KHDRBS2: variants seen among roughly 807,000 people sequenced by gnomAD.
KHDRBS2 encodes the protein KH RNA binding domain containing, signal transduction associated 2, also known as KH domain-containing, RNA-binding, signal transduction-associated protein 2.
In KHDRBS2, 26 loss-of-function variants were observed where a neutral mutation model predicts 44.3. The ratio of observed to expected loss-of-function variants is 0.59; its 90% CI spans 0.43 to 0.81. The LOEUF (loss-of-function observed/expected upper bound fraction) is 0.81. KHDRBS2 is among the 40% of genes least tolerant of loss of function. The probability of loss-of-function intolerance (pLI) is 0.00; values close to 1 mark genes in which losing one functional copy is unlikely to be tolerated. For missense variants in KHDRBS2, 476 were observed against 433.1 expected, an observed-to-expected ratio of 1.10 and a Z score of -0.88; for synonymous variants, 194 against 151.1, an observed-to-expected ratio of 1.28 and a Z score of -2.08.
At chr6:62,061,829 G>T (rs1374318122) in intron 2 of KHDRBS2, among the ~76,000 whole-genome samples, 1 of 147,506 alleles carries the variant, frequency 6.8e-6, no homozygotes, top group South Asian at 2.2e-4. Context: ...CGTAGATTTG[G>T]TCTTTTCACA....
chr6:62,084,481 C>T (rs184817189), intron 2 of KHDRBS2, among the ~76,000 whole-genome samples: 38 of 152,182 alleles, frequency 2.5e-4, no homozygotes, highest in African/African-American at 8.7e-4. Context: ...GCTGTGTGTA[C>T]CCTGGGGAGA....
intron 7 of KHDRBS2, among the ~76,000 whole-genome samples, chr6:61,702,806 T>C (rs1258642354): frequency 6.6e-6 from 1 of 151,940 alleles, no homozygotes. Context: ...TCACTCCACT[T>C]ATTTACGTAT....
At chr6:61,817,029 G>A (rs1789068107) in intron 6 of KHDRBS2, 5 of 455,208 alleles carry the variant, frequency 1.1e-5, no homozygotes, top group Non-Finnish European at 2.2e-5. Context: ...GAGAGGTACA[G>A]AGGTATGAGT....
intron 3 of KHDRBS2, among the ~76,000 whole-genome samples, chr6:62,011,065 A>T (rs1428469981): frequency 6.6e-6 from 1 of 152,166 alleles, no homozygotes; most frequent in African/African-American, 2.4e-5. Context: ...ATTAAATAAT[A>T]GTGAGGCTTA....
At chr6:61,817,306 A>G (rs1350256834) in intron 6 of KHDRBS2, among the ~76,000 whole-genome samples, 2 of 152,086 alleles carry the variant, frequency 1.3e-5, no homozygotes, top group African/African-American at 4.8e-5. Context: ...GGAGCCCAGA[A>G]CTATCCCAAT....
chr6:61,655,205 C>G, the KHDRBS2 span, among the ~76,000 whole-genome samples: 1 of 145,286 alleles, frequency 6.9e-6, no homozygotes, highest in Non-Finnish European at 1.5e-5. Flanking sequence ...GTTCTTAGAA[C>G]GTTTAAATAC....
intron 6 of KHDRBS2, among the ~76,000 whole-genome samples, chr6:61,840,138 TG>T (rs1793376401): frequency 6.6e-6 from 1 of 152,084 alleles, no homozygotes; most frequent in South Asian, 2.1e-4. Flanking sequence ...TCAATTCAAA[TG>T]GGTAGACACT....
Position 61,875,068 on chromosome 6 carries a change from G to C in KHDRBS2, c.810+19567C>G, listed in dbSNP as rs193039421. 4.9e-4 allele frequency among the ~76,000 whole-genome samples: 75 copies of C among 152,162 alleles called. 1 individual carries two copies. Among genetic ancestry groups the C allele is most frequent in the Middle Eastern group, 3.4e-3 (1 of 294 alleles). On this transcript the variant is annotated intron_variant, in intron 6 of 8. Transcript: ENST00000281156. ...TTAAAGGCTGACTGGACTAAGCATT[G>C]CTTTTTAAGGTGTTAGCTAAGGAAT...
chr6:62,083,267 TG>T (rs2127356831), intron 2 of KHDRBS2, among the ~76,000 whole-genome samples: 1 of 152,178 alleles, frequency 6.6e-6, no homozygotes, highest in South Asian at 2.1e-4. Context: ...GGCTTCATGG[TG>T]GGAACTCAGA....
chr6:61,973,710 T>TTA (rs145676968), intron 4 of KHDRBS2, among the ~76,000 whole-genome samples: 6,840 of 152,076 alleles, frequency 0.045, 533 homozygotes, highest in African/African-American at 0.16. Context: ...AGTATATAAG[T>TTA]TATATATATA....
At chr6:62,137,981 C>T (rs1410615776) in intron 2 of KHDRBS2, among the ~76,000 whole-genome samples, 4 of 152,140 alleles carry the variant, frequency 2.6e-5, no homozygotes, top group East Asian at 3.9e-4. Flanking sequence ...TACTGTTCTG[C>T]GTGGTTGTTT....
chr6:62,022,752 C>T (rs1265591219), intron 3 of KHDRBS2, among the ~76,000 whole-genome samples: 2 of 151,664 alleles, frequency 1.3e-5, no homozygotes, highest in African/African-American at 4.8e-5. Context: ...TTTCTGAATT[C>T]TCATTTCATC....
chr6:61,711,104 T>C (rs1770445826), intron 7 of KHDRBS2, among the ~76,000 whole-genome samples: 1 of 151,432 alleles, frequency 6.6e-6, no homozygotes, highest in African/African-American at 2.4e-5. Context: ...AATAAATATT[T>C]GTTGAATAAA....
chr6:61,702,578 TA>T (rs1421390996), intron 7 of KHDRBS2, among the ~76,000 whole-genome samples: 1 of 151,962 alleles, frequency 6.6e-6, no homozygotes, highest in Non-Finnish European at 1.5e-5. Context: ...GTTTTAATTT[TA>T]AAGACTGAAA....
chr6:61,551,318 T>C, the KHDRBS2 span, among the ~76,000 whole-genome samples: 456 of 152,272 alleles, frequency 3.0e-3, 4 homozygotes, highest in African/African-American at 0.011. Context: ...TTGTAGGTTG[T>C]CTGTTACTCT....
At chr6:61,932,306 G>A (rs563714755) in intron 4 of KHDRBS2, among the ~76,000 whole-genome samples, 1 of 152,128 alleles carries the variant, frequency 6.6e-6, no homozygotes, top group Non-Finnish European at 1.5e-5. Context: ...TAACATTCAC[G>A]TTCTATGTTT....
At chr6:62,240,679 TA>T (rs1834498169) in intron 1 of KHDRBS2, among the ~76,000 whole-genome samples, 2 of 87,208 alleles carry the variant, frequency 2.3e-5, no homozygotes, top group Non-Finnish European at 4.4e-5. Context: ...TGTGTATATA[TA>T]TATATATATA....
At chr6:62,034,210 C>T (rs935316484) in intron 3 of KHDRBS2, among the ~76,000 whole-genome samples, 4 of 151,762 alleles carry the variant, frequency 2.6e-5, no homozygotes, top group African/African-American at 9.7e-5. Flanking sequence ...ATAAAAAAGA[C>T]CAGAACCCGA....
chr6:61,955,461 T>TGTGTATATATACACATATGTATGTATAC (rs1562519800), intron 4 of KHDRBS2, among the ~76,000 whole-genome samples: 20 of 35,472 alleles, frequency 5.6e-4, no homozygotes, highest in East Asian at 1.6e-3. Context: ...TATATATACA[T>TGTGTATATATACACATATGTATGTATAC]ATGTGTATAT....
Sources: allele counts gnomAD v4.1 joint callset (sites outside exome capture counted in the v4.1 genomes callset), GRCh38; gene constraint gnomAD v4.1.1; transcripts MANE v1.5; gene names NCBI Gene and HGNC (gene_info 2026-07-23, HGNC 2026-07-21).